The following CTNNA2 variants were observed in gnomAD, a reference collection of about 807,000 sequenced individuals.
CTNNA2 encodes the protein catenin alpha 2, also known as catenin alpha-2.
In CTNNA2, 42 loss-of-function variants were observed where a neutral mutation model predicts 101.0. That is an observed-to-expected ratio of 0.42 (90% CI 0.32 to 0.54). CTNNA2 has a LOEUF of 0.54. CTNNA2 is among the 20% of genes least tolerant of loss of function. The pLI is 0.14. For synonymous variants in CTNNA2, 450 were observed against 456.4 expected (o/e 0.99, Z 0.18); for missense variants, 871 against 1,223.1 (o/e 0.71, Z 4.29).
At chr2:79,570,514 G>A (rs780110740) in intron 1 of CTNNA2, among the ~76,000 whole-genome samples, 1 of 152,022 alleles carries the variant, frequency 6.6e-6, no homozygotes, top group African/African-American at 2.4e-5. Flanking sequence ...GAAATTTGCC[G>A]ATTGTAACCT....
chr2:79,435,688 T>C (rs971445471), intron 4 of CTNNA2, among the ~76,000 whole-genome samples: 35 of 152,184 alleles, frequency 2.3e-4, no homozygotes, highest in Non-Finnish European at 4.0e-4. Context: ...CTGGCTTTCA[T>C]TGATGACAAC....
At chr2:80,358,079 CT>C (rs1387441078) in intron 7 of CTNNA2, among the ~76,000 whole-genome samples, 1 of 152,048 alleles carries the variant, frequency 6.6e-6, no homozygotes, top group Non-Finnish European at 1.5e-5. Flanking sequence ...GGGGAAACGT[CT>C]ATAGCCTTTT....
chr2:79,980,015 CTCTAAGTA>C (rs1691144855), intron 7 of CTNNA2, among the ~76,000 whole-genome samples: 1 of 152,192 alleles, frequency 6.6e-6, no homozygotes, highest in South Asian at 2.1e-4. Flanking sequence ...GCTTCTCCAT[CTCTAAGTA>C]TCTAAGACTC....
chr2:79,993,948 G>T (rs563494158), intron 7 of CTNNA2, among the ~76,000 whole-genome samples: 1 of 152,120 alleles, frequency 6.6e-6, no homozygotes, highest in African/African-American at 2.4e-5. Flanking sequence ...CTGTCACCCA[G>T]GCTGGAATGC....
intron 3 of CTNNA2, among the ~76,000 whole-genome samples, chr2:79,790,066 T>G (rs1675151417): frequency 6.6e-6 from 1 of 152,164 alleles, no homozygotes; most frequent in East Asian, 1.9e-4. Context: ...GAAATGTACT[T>G]CTAGAGCAAA....
intron 7 of CTNNA2, among the ~76,000 whole-genome samples, chr2:80,074,804 G>A (rs1279587808): frequency 1.3e-5 from 2 of 152,196 alleles, no homozygotes; most frequent in South Asian, 2.1e-4. Flanking sequence ...ACTGCAAATT[G>A]TATGTCTCCA....
At chr2:79,192,469 A>G (rs1197223624) in intron 1 of CTNNA2, among the ~76,000 whole-genome samples, 1 of 152,202 alleles carries the variant, frequency 6.6e-6, no homozygotes, top group African/African-American at 2.4e-5. Context: ...ATCAACTAAC[A>G]TGGAAAAGTC....
At chr2:79,379,484 C>T (rs1678016145) in intron 4 of CTNNA2, among the ~76,000 whole-genome samples, 1 of 152,174 alleles carries the variant, frequency 6.6e-6, no homozygotes, top group Non-Finnish European at 1.5e-5. Context: ...GCATACCTTT[C>T]CCTTTCTCAC....
intron 2 of CTNNA2, among the ~76,000 whole-genome samples, chr2:79,719,719 T>C (rs1686352481): frequency 6.6e-6 from 1 of 152,194 alleles, no homozygotes; most frequent in Admixed American, 6.5e-5. Flanking sequence ...TCTGTTCATG[T>C]CCTTTGCCCG....
In CTNNA2 at chr2:79,964,038, TG is replaced by T. The variant is rs140235062; in HGVS notation, c.1056+54245del. 3.5e-3 allele frequency among the ~76,000 whole-genome samples: 532 copies of T among 151,962 alleles called. 6 individuals are homozygous for T. Among genetic ancestry groups the T allele is most frequent in the African/African-American group, 0.012 (506 of 41,422 alleles). On this transcript the variant is annotated intron_variant, in intron 7 of 18. Coordinates refer to ENST00000402739, the MANE Select transcript of CTNNA2 (RefSeq NM_001282597.3). ...AACATCAAACCTGTGAAACATACCT[TG>T]GGGTGTTCCAGTGGTTATCAGCTCT...
chr2:80,386,756 C>A (rs1446690699), intron 7 of CTNNA2, among the ~76,000 whole-genome samples: 1 of 152,192 alleles, frequency 6.6e-6, no homozygotes, highest in African/African-American at 2.4e-5. Context: ...ATATTACAGT[C>A]ACAGCTACAT....
At chr2:79,604,621 A>G (rs780470191) in intron 1 of CTNNA2, among the ~76,000 whole-genome samples, 2 of 152,218 alleles carry the variant, frequency 1.3e-5, no homozygotes, top group Non-Finnish European at 2.9e-5. Context: ...ATCAGTGTGT[A>G]CATGTGAGGA....
intron 8 of CTNNA2, among the ~76,000 whole-genome samples, chr2:80,411,934 C>T (rs971196220): frequency 2.6e-5 from 4 of 152,164 alleles, no homozygotes; most frequent in African/African-American, 4.8e-5. Flanking sequence ...CTTTTCTGCT[C>T]TTGCCACCTC....
At chr2:80,481,595 C>A (rs1406063707) in intron 9 of CTNNA2, among the ~76,000 whole-genome samples, 1 of 152,092 alleles carries the variant, frequency 6.6e-6, no homozygotes, top group Non-Finnish European at 1.5e-5. Flanking sequence ...GGATGTTAAA[C>A]CTGACCTTCT....
chr2:80,414,022 T>C (rs956272335), intron 8 of CTNNA2, among the ~76,000 whole-genome samples: 6 of 152,222 alleles, frequency 3.9e-5, no homozygotes, highest in African/African-American at 1.4e-4. Context: ...ACTTGGGTGT[T>C]AACTTTTATT....
At chr2:79,669,745 T>G (rs1401053125) in intron 2 of CTNNA2, among the ~76,000 whole-genome samples, 1 of 152,172 alleles carries the variant, frequency 6.6e-6, no homozygotes, top group South Asian at 2.1e-4. Flanking sequence ...CTGCAGCTGG[T>G]CAAGGATGGT....
intron 1 of CTNNA2, among the ~76,000 whole-genome samples, chr2:79,559,740 A>G (rs113106391): frequency 2.1e-3 from 325 of 151,974 alleles, no homozygotes; most frequent in African/African-American, 7.4e-3. Flanking sequence ...AGGAGCTTGG[A>G]AAAGAGGGCA....
chr2:79,384,537 C>T (rs952722223), intron 4 of CTNNA2, among the ~76,000 whole-genome samples: 112 of 152,030 alleles, frequency 7.4e-4, no homozygotes, highest in African/African-American at 2.6e-3. Flanking sequence ...GTCAAAGTAG[C>T]TGTGATATAT....
intron 7 of CTNNA2, among the ~76,000 whole-genome samples, chr2:80,011,800 T>G (rs1574536516): frequency 6.6e-6 from 1 of 152,234 alleles, no homozygotes; most frequent in African/African-American, 2.4e-5. Flanking sequence ...TGTTCCAGTA[T>G]CTATGTTTTG....
Sources: gnomAD v4.1 joint callset for allele counts (sites outside exome capture counted in the v4.1 genomes callset) on GRCh38, gnomAD v4.1.1 for gene constraint, MANE v1.5 for transcripts, NCBI Gene and HGNC (gene_info 2026-07-23, HGNC 2026-07-21) for gene names.